Variants in FUBP3 observed in about 807,000 individuals in gnomAD.
The protein encoded by FUBP3 is far upstream element binding protein 3.
Under a neutral mutation model 85.6 loss-of-function variants are expected in FUBP3, and 28 were observed. That is an observed-to-expected ratio of 0.33 (90% CI 0.24 to 0.45). The LOEUF (loss-of-function observed/expected upper bound fraction) is 0.45. Ranked by LOEUF, FUBP3 falls within the 20% of genes least tolerant of loss-of-function variation. The pLI is 1.00. For synonymous variants in FUBP3, 271 were observed against 271.4 expected, an observed-to-expected ratio of 1.00 and a Z score of 0.01; for missense variants, 583 against 755.1, an observed-to-expected ratio of 0.77 and a Z score of 2.67.
intron 9 of FUBP3, 56 bp downstream of exon 9, chr9:130,620,514 C>A: frequency 1.2e-6 from 1 of 845,132 alleles, no homozygotes; most frequent in Admixed American, 2.4e-5. Flanking sequence ...AGTTGTAGGT[C>A]ACACTTTTGT....
chr9:130,589,126 A>C (rs1830474977), intron 1 of FUBP3, among the ~76,000 whole-genome samples: 1 of 152,060 alleles, frequency 6.6e-6, no homozygotes, highest in Non-Finnish European at 1.5e-5. Flanking sequence ...GTAAGTATGA[A>C]GTTGTGGGGC....
intron 2 of FUBP3, among the ~76,000 whole-genome samples, chr9:130,598,056 A>G (rs1432454616): frequency 6.6e-6 from 1 of 152,250 alleles, no homozygotes; most frequent in East Asian, 1.9e-4. Context: ...AAGTGAAAAT[A>G]CGCAATATAA....
rs901134408 is a variant in FUBP3, at chr9:130,637,907, GTGT to G, written c.*890_*892del. ...AGTTATAACTATTTTTAATTCCAAG[GTGT>G]TGTTTGCTTTTTTCTTTTAAATATT... On this transcript the variant is annotated 3_prime_UTR_variant, in exon 19 of 19. Transcript: ENST00000319725. 6.6e-6 allele frequency: 1 copy of G among 152,264 alleles called. No homozygotes were observed. Among genetic ancestry groups the G allele is most frequent in the African/African-American group, 2.4e-5 (1 of 41,282 alleles). 9.4% of individuals were successfully genotyped at this position (152,264 alleles called of 1,614,324 possible). A position where few individuals can be genotyped will look rare whatever the true frequency, so the allele number is the denominator to read the frequency against.
chr9:130,634,704 C>T lies in FUBP3; in HGVS notation c.1548C>T (p.Tyr516=), dbSNP rs753489967. Residue 516 remains tyrosine (Y), a synonymous_variant, in exon 17 of 19, where the codon TAC becomes TAT. Coordinates refer to ENST00000319725, the MANE Select transcript of FUBP3 (RefSeq NM_003934.2). The stretch of plus-strand genomic sequence containing the variant: ...AGCCGCAGAGCAGCCAGCCCAACTA[C>T]AGCAAGGCCTGGGAAGACTATTACA... The part of the protein sequence containing the change: ...QSQPQSSQPN[Y]SKAWEDYYKK... The T allele has an allele frequency of 6.2e-6, 10 of 1,614,026 alleles. No individual in the cohort carries two copies. The highest frequency in any genetic ancestry group is 8.5e-6 in the Non-Finnish European group (10 of 1,179,960).
At chr9:130,595,132 A>G (rs888384357) in intron 1 of FUBP3, among the ~76,000 whole-genome samples, 4 of 151,694 alleles carry the variant, frequency 2.6e-5, no homozygotes, top group African/African-American at 9.7e-5. Flanking sequence ...AAGTCGAGAC[A>G]GGAGAATCGC....
chr9:130,604,151 C>T (rs1831303952), intron 2 of FUBP3, among the ~76,000 whole-genome samples: 1 of 152,176 alleles, frequency 6.6e-6, no homozygotes, highest in African/African-American at 2.4e-5. Flanking sequence ...CTACATACTG[C>T]ATGATCCCCT....
In FUBP3 at chr9:130,634,661, G is replaced by A. The variant is rs758022902; in HGVS notation, c.1511-6G>A. 1.1e-4 allele frequency: 180 copies of A among 1,612,346 alleles called. 3 individuals carry two copies. Among genetic ancestry groups the A allele is most frequent in the South Asian group, 1.0e-3 (94 of 90,912 alleles). On this transcript the variant is annotated splice_region_variant and splice_polypyrimidine_tract_variant and intron_variant, in intron 16 of 18. Transcript: ENST00000319725. Reference sequence around the variant, plus strand: ...AGGCCTGACTGCTTTTGTGTTCTTCGCACAGGCCAGCAGAGCCAGCCGCAG... The same window carrying A: ...AGGCCTGACTGCTTTTGTGTTCTTCACACAGGCCAGCAGAGCCAGCCGCAG...
intron 2 of FUBP3, among the ~76,000 whole-genome samples, chr9:130,606,912 C>CT (rs1460136512): frequency 2.0e-5 from 3 of 151,460 alleles, no homozygotes; most frequent in African/African-American, 7.3e-5. Flanking sequence ...AAAATGAAAT[C>CT]TTTTTTTCTT....
chr9:130,625,736 G>A (rs1829944099), intron 11 of FUBP3, among the ~76,000 whole-genome samples: 1 of 152,228 alleles, frequency 6.6e-6, no homozygotes, highest in Non-Finnish European at 1.5e-5. Flanking sequence ...AGCCCCACAT[G>A]GGGAGGAGGC....
chr9:130,625,983 C>T (rs555581738), intron 11 of FUBP3, among the ~76,000 whole-genome samples: 46 of 152,202 alleles, frequency 3.0e-4, no homozygotes, highest in African/African-American at 7.7e-4. Flanking sequence ...AGTATGTGTC[C>T]GCCGCAGGAA....
intron 16 of FUBP3, 91 bp from the exon 17 acceptor site, chr9:130,634,576 A>T: frequency 5.1e-6 from 5 of 973,846 alleles, no homozygotes; most frequent in Non-Finnish European, 4.7e-6. Flanking sequence ...AGCGAGGTGG[A>T]GGAGTGCAGG....
intron 9 of FUBP3, 65 bp from the exon 10 acceptor site, chr9:130,622,643 A>G: frequency 1.3e-6 from 1 of 762,790 alleles, no homozygotes; most frequent in Non-Finnish European, 2.2e-6. Context: ...AAAAAAAAAA[A>G]AAGTGCCCTT....
intron 11 of FUBP3, 129 bp downstream of exon 11, chr9:130,623,840 G>GT (rs1438672651): frequency 9.9e-6 from 5 of 506,678 alleles, no homozygotes; most frequent in Non-Finnish European, 1.8e-5. Flanking sequence ...GAAACCAGCA[G>GT]TTTCTCTACA....
At chr9:130,626,689 G>A (rs1479262544) in intron 12 of FUBP3, among the ~76,000 whole-genome samples, 184 bp downstream of exon 12, 1 of 152,208 alleles carries the variant, frequency 6.6e-6, no homozygotes, top group African/African-American at 2.4e-5. Flanking sequence ...GGCTGCTGAC[G>A]GGCCTGTTGT....
chr9:130,579,715 T>C lies in FUBP3; in HGVS notation c.35T>C (p.Val12Ala), dbSNP rs1830047378. The change falls in exon 1 of 19, where the codon GTG becomes GCG. Residue 12 changes from valine to alanine, a missense_variant. By Grantham distance (64) the Val-to-Ala change is moderately conservative. Coordinates refer to ENST00000319725, the MANE Select transcript of FUBP3 (RefSeq NM_003934.2). ...AELVQGQSAP[V>A]GMKAEGFVDA... ...CTGGTGCAGGGGCAGAGCGCTCCTG[T>C]GGGGATGAAGGCCGAGGGCTTCGTG... The C allele has an allele frequency of 7.8e-7, 1 of 1,275,052 alleles. No individual in the cohort carries two copies. Among genetic ancestry groups the C allele is most frequent in the Middle Eastern group, 2.8e-4 (1 of 3,540 alleles). 79.0% of individuals were successfully genotyped at this position (1,275,052 alleles called of 1,614,324 possible). A position where few individuals can be genotyped will look rare whatever the true frequency, so the allele number is the denominator to read the frequency against.
At chr9:130,600,612 C>T (rs939909062) in intron 2 of FUBP3, among the ~76,000 whole-genome samples, 6 of 151,952 alleles carry the variant, frequency 3.9e-5, no homozygotes, top group Admixed American at 2.6e-4. Context: ...CCTCCCACCT[C>T]AGCCTCCTGG....
chr9:130,595,512 C>T lies in FUBP3; in HGVS notation c.114C>T (p.His38=), dbSNP rs1362494464. 2.5e-6 allele frequency: 4 copies of T among 1,580,128 alleles called. No homozygotes were observed. Among genetic ancestry groups the T allele is most frequent in the African/African-American group, 2.7e-5 (2 of 74,244 alleles). Residue 38 remains histidine, a synonymous_variant, in exon 2 of 19, where the codon CAC becomes CAT. Transcript: ENST00000319725. ...QIAAKIDSIP[H]LNNSTPLVDP... ...CTGCTAAAATTGATTCAATTCCTCACTTGAATAATTCCACACCTCTAGTGG... is the reference window on the plus strand; with the variant it reads ...CTGCTAAAATTGATTCAATTCCTCATTTGAATAATTCCACACCTCTAGTGG...
At chr9:130,603,176 G>C (rs138268405) in intron 2 of FUBP3, among the ~76,000 whole-genome samples, 4 of 152,086 alleles carry the variant, frequency 2.6e-5, no homozygotes, top group African/African-American at 9.6e-5. Flanking sequence ...GTAAAACCCA[G>C]TCTCTACTAA....
chr9:130,632,400 C>G, intron 16 of FUBP3, 122 bp downstream of exon 16: 1 of 728,318 alleles, frequency 1.4e-6, no homozygotes, highest in Non-Finnish European at 2.3e-6. Flanking sequence ...CCCCAAATGA[C>G]AAGGAGCCCT....
Sources: allele counts gnomAD v4.1 joint callset (sites outside exome capture counted in the v4.1 genomes callset), GRCh38; gene constraint gnomAD v4.1.1; transcripts MANE v1.5; gene names NCBI Gene and HGNC (gene_info 2026-07-23, HGNC 2026-07-21).